The following FREM2 variants were observed in gnomAD, a reference collection of about 807,000 sequenced individuals.
FREM2 encodes FRAS1 related extracellular matrix 2.
In FREM2, 119 loss-of-function variants were observed where a neutral mutation model predicts 219.9. That is an observed-to-expected ratio of 0.54 (90% CI 0.47 to 0.63). The LOEUF is 0.63. FREM2 is among the 30% of genes least tolerant of loss of function. The pLI is 0.00. For missense variants in FREM2, 4,030 were observed against 3,993.6 expected, an observed-to-expected ratio of 1.01 and a Z score of -0.25; for synonymous variants, 1,562 against 1,522.8, an observed-to-expected ratio of 1.03 and a Z score of -0.60.
At position 38,851,900 on chromosome 13, in the gene FREM2, G is replaced by C. The variant is rs747251639; in HGVS notation, c.6925+32G>C. Reference sequence around the variant, plus strand: ...GGCTCCCAGGGCCTGTCTCCTGATGGATCATGCCAACTCTGTGTTTCAGTG... The same window carrying C: ...GGCTCCCAGGGCCTGTCTCCTGATGCATCATGCCAACTCTGTGTTTCAGTG... On this transcript the variant is annotated intron_variant, in intron 11 of 23. Coordinates refer to ENST00000280481, the MANE Select transcript of FREM2 (RefSeq NM_207361.6). 113 of 1,579,614 alleles carry C rather than the reference G, an allele frequency of 7.2e-5. 2 individuals carry two copies. The highest frequency in any genetic ancestry group is 5.0e-4 in the Middle Eastern group (3 of 6,028).
At chr13:38,797,905 A>G (rs990011161) in intron 6 of FREM2, among the ~76,000 whole-genome samples, 3 of 152,092 alleles carry the variant, frequency 2.0e-5, no homozygotes, top group African/African-American at 7.2e-5. Flanking sequence ...ATATAAAATA[A>G]TGTCATCAGA....
intron 1 of FREM2, among the ~76,000 whole-genome samples, chr13:38,694,134 G>C (rs1870011321): frequency 6.6e-6 from 1 of 152,200 alleles, no homozygotes; most frequent in African/African-American, 2.4e-5. Flanking sequence ...AAGTCCAACA[G>C]CTCACAATAT....
At chr13:38,857,402 G>T (rs1877602003) in intron 12 of FREM2, among the ~76,000 whole-genome samples, 1 of 152,126 alleles carries the variant, frequency 6.6e-6, no homozygotes, top group African/African-American at 2.4e-5. Flanking sequence ...GCCCTTGGCT[G>T]CTTCAAAGAG....
chr13:38,747,339 C>G (rs1294347292), intron 2 of FREM2, among the ~76,000 whole-genome samples: 1 of 151,554 alleles, frequency 6.6e-6, no homozygotes, highest in East Asian at 1.9e-4. Context: ...TGTGCATTTT[C>G]TCTTCTCATA....
intron 11 of FREM2, among the ~76,000 whole-genome samples, chr13:38,852,774 A>AGCTCACT (rs1344008194): frequency 6.7e-6 from 1 of 149,558 alleles, no homozygotes; most frequent in Non-Finnish European, 1.5e-5. Flanking sequence ...GCGTAATCAC[A>AGCTCACT]GCTCACTGCA....
At chr13:38,747,411 G>GTA (rs1872530370) in intron 2 of FREM2, among the ~76,000 whole-genome samples, 1 of 151,610 alleles carries the variant, frequency 6.6e-6, no homozygotes, top group African/African-American at 2.4e-5. Flanking sequence ...GTGTGTGTGT[G>GTA]TGTGTGTGTG....
At chr13:38,765,121 A>G (rs1425966290) in intron 3 of FREM2, among the ~76,000 whole-genome samples, 3 of 152,180 alleles carry the variant, frequency 2.0e-5, no homozygotes, top group African/African-American at 7.2e-5. Context: ...CGTGTTAGCC[A>G]GGATAGTCTC....
chr13:38,877,230 T>A lies in FREM2; in HGVS notation c.8658T>A (p.Val2886=). 13 of 1,614,076 alleles carry A rather than the reference T, an allele frequency of 8.1e-6. No homozygotes were observed. Among genetic ancestry groups the A allele is most frequent in the Non-Finnish European group, 1.1e-5 (13 of 1,179,908 alleles). ...GSMGFGQESD[V]AFAEGDIIYG... The stretch of plus-strand genomic sequence containing the variant: ...TGGGATTCGGGCAAGAGAGTGATGT[T>A]GCTTTTGCAGAAGGTATCACTTTAC... The change falls in exon 21 of 24, where the codon GTT becomes GTA. Residue 2886 remains valine, a synonymous_variant. Coordinates refer to ENST00000280481, the MANE Select transcript of FREM2 (RefSeq NM_207361.6).
Position 38,687,968 on chromosome 13 carries a change from C to T in FREM2, c.624C>T (p.Ala208=). Residue 208 remains alanine (A), a synonymous_variant, in exon 1 of 24, where the codon GCC becomes GCT. Coordinates refer to ENST00000280481, the MANE Select transcript of FREM2 (RefSeq NM_207361.6). ...NALDARSLEF[A]FQPETEECRV... is the part of the protein sequence containing the mutation. ...TGGACGCGCGGAGCCTGGAGTTCGC[C>T]TTCCAGCCCGAGACAGAGGAGTGCC... 1 of 1,612,238 alleles carries T rather than the reference C, an allele frequency of 6.2e-7. No homozygotes were observed. Among genetic ancestry groups the T allele is most frequent in the Non-Finnish European group, 8.5e-7 (1 of 1,179,090 alleles).
intron 4 of FREM2, among the ~76,000 whole-genome samples, chr13:38,771,775 T>C (rs1344350023): frequency 3.3e-5 from 5 of 152,134 alleles, no homozygotes; most frequent in African/African-American, 9.7e-5. Flanking sequence ...TTGAAGACCA[T>C]TGGTCTTGAA....
At chr13:38,834,543 T>C (rs1222917087) in intron 6 of FREM2, among the ~76,000 whole-genome samples, 1 of 152,220 alleles carries the variant, frequency 6.6e-6, no homozygotes, top group East Asian at 1.9e-4. Context: ...TCCACAATGG[T>C]TGAACTAATT....
At chr13:38,694,655 G>A (rs1222974865) in intron 1 of FREM2, among the ~76,000 whole-genome samples, 1 of 152,088 alleles carries the variant, frequency 6.6e-6, no homozygotes, top group Non-Finnish European at 1.5e-5. Flanking sequence ...GCTAGAGAAG[G>A]TTATTCCTAA....
At chr13:38,803,116 T>C (rs1875086227) in intron 6 of FREM2, among the ~76,000 whole-genome samples, 1 of 152,206 alleles carries the variant, frequency 6.6e-6, no homozygotes, top group Non-Finnish European at 1.5e-5. Flanking sequence ...GTCAGCCCTC[T>C]TGAACTCTGG....
chr13:38,688,268 G>A lies in FREM2; in HGVS notation c.924G>A (p.Arg308=), dbSNP rs1175413504. ...GCGAGCACTTCCAGGTTCTGGTGAGGATCCGAGGAGGGGCCGAGAACACTG... is the reference window on the plus strand; with the variant it reads ...GCGAGCACTTCCAGGTTCTGGTGAGAATCCGAGGAGGGGCCGAGAACACTG... The part of the protein sequence containing the change: ...LKREHFQVLV[R]IRGGAENTAP... Residue 308 remains arginine, a synonymous_variant, in exon 1 of 24, where the codon AGG becomes AGA. Transcript: ENST00000280481. The A allele has an allele frequency of 1.2e-6, 2 of 1,614,080 alleles. No individual in the cohort carries two copies. Among genetic ancestry groups the A allele is most frequent in the East Asian group, 2.2e-5 (1 of 44,874 alleles).
intron 6 of FREM2, among the ~76,000 whole-genome samples, chr13:38,818,280 C>T (rs1875848930): frequency 1.3e-5 from 2 of 152,004 alleles, no homozygotes; most frequent in Non-Finnish European, 2.9e-5. Flanking sequence ...ATGGACTCAA[C>T]CTAAGTATTC....
chr13:38,702,456 A>G (rs1870379899), intron 2 of FREM2, among the ~76,000 whole-genome samples: 1 of 152,182 alleles, frequency 6.6e-6, no homozygotes, highest in Non-Finnish European at 1.5e-5. Flanking sequence ...ATGAGATAAC[A>G]TTAGGACAGG....
chr13:38,689,463 T>G lies in FREM2; in HGVS notation c.2119T>G (p.Cys707Gly). 6.2e-7 allele frequency: 1 copy of G among 1,614,106 alleles called. No individual in the cohort carries two copies. Among genetic ancestry groups the G allele is most frequent in the Non-Finnish European group, 8.5e-7 (1 of 1,180,010 alleles). Residue 707 changes from cysteine (C) to glycine (G), a missense_variant, in exon 1 of 24, where the codon TGT (cysteine) becomes GGT (glycine). Physicochemically the swap from Cys to Gly is radical, Grantham distance 159 (BLOSUM62 -3). Transcript: ENST00000280481. ...CCTCCCTCCGGAGCTGGGCAGTGGC[T>G]GTCCCCTTCGTATGGTGGTACAGGA... ...DRLPPELGSG[C>G]PLRMVVQESQ...
chr13:38,796,308 G>A (rs1874778559), intron 6 of FREM2, among the ~76,000 whole-genome samples: 1 of 152,164 alleles, frequency 6.6e-6, no homozygotes, highest in South Asian at 2.1e-4. Flanking sequence ...TATTACTCAT[G>A]TCACTTGCTT....
chr13:38,690,565 A>G lies in FREM2; in HGVS notation c.3221A>G (p.Gln1074Arg), dbSNP rs760668006. The change falls in exon 1 of 24, where the codon CAG becomes CGG. Residue 1074 changes from glutamine to arginine, a missense_variant. Gln to Arg is a conservative substitution (Grantham distance 43). Coordinates refer to ENST00000280481, the MANE Select transcript of FREM2 (RefSeq NM_207361.6). ...GCCCCAGAAATCTTTGTAGGTGAAC[A>G]GTTGATAGTAATGGAAGGTGATAAA... ...SQAPEIFVGE[Q>R]LIVMEGDKSV... The G allele has an allele frequency of 3.7e-6, 6 of 1,614,062 alleles. No homozygotes were observed. In the African/African-American group the frequency reaches 6.7e-5, roughly 18 times the overall value.
Sources: gnomAD v4.1 joint callset for allele counts (sites outside exome capture counted in the v4.1 genomes callset) on GRCh38, gnomAD v4.1.1 for gene constraint, MANE v1.5 for transcripts, NCBI Gene and HGNC (gene_info 2026-07-23, HGNC 2026-07-21) for gene names.